Variants in HERPUD2 observed in about 807,000 individuals in gnomAD.
HERPUD2 encodes the protein HERPUD family member 2.
A neutral mutation model predicts 49.9 loss-of-function variants in HERPUD2; 13 were observed. The ratio of observed to expected loss-of-function variants is 0.26; its 90% CI spans 0.17 to 0.41. HERPUD2 has a LOEUF of 0.41. HERPUD2 is among the 10% of genes least tolerant of loss of function. The pLI is 1.00. For missense variants in HERPUD2, 449 were observed against 492.2 expected (o/e 0.91, Z 0.83); for synonymous variants, 172 against 171.4 (o/e 1.00, Z -0.03).
intron 2 of HERPUD2, among the ~76,000 whole-genome samples, 195 bp from the exon 3 acceptor site, chr7:35,673,473 G>C (rs1271816526): frequency 1.3e-5 from 2 of 152,108 alleles, no homozygotes; most frequent in East Asian, 1.9e-4. Flanking sequence ...GCAAATGGTA[G>C]TGTATCTATT....
At chr7:35,657,115 G>A (rs1364306552) in intron 5 of HERPUD2, among the ~76,000 whole-genome samples, 1 of 151,880 alleles carries the variant, frequency 6.6e-6, no homozygotes, top group Non-Finnish European at 1.5e-5. Context: ...CAGCTGACAA[G>A]GAACTAATAT....
At chr7:35,673,844 C>T (rs755489676) in intron 2 of HERPUD2, among the ~76,000 whole-genome samples, 2 of 152,012 alleles carry the variant, frequency 1.3e-5, no homozygotes, top group Non-Finnish European at 2.9e-5. Context: ...TTATTCCTGC[C>T]ACTATCACAA....
chr7:35,691,965 C>G (rs980807153), intron 2 of HERPUD2, among the ~76,000 whole-genome samples: 1 of 152,172 alleles, frequency 6.6e-6, no homozygotes, highest in Admixed American at 6.5e-5. Flanking sequence ...CACATACCCC[C>G]ACCGCTCCAG....
chr7:35,650,873 A>T (rs1417665189), intron 5 of HERPUD2, among the ~76,000 whole-genome samples: 6 of 152,182 alleles, frequency 3.9e-5, no homozygotes, highest in Non-Finnish European at 5.9e-5. Flanking sequence ...CAGAACCAGC[A>T]GCTGCACAAA....
chr7:35,658,605 T>A (rs1369155709), intron 5 of HERPUD2, among the ~76,000 whole-genome samples: 2 of 152,138 alleles, frequency 1.3e-5, no homozygotes, highest in Non-Finnish European at 2.9e-5. Flanking sequence ...ATTTTAAAAA[T>A]AAATTATAAC....
intron 6 of HERPUD2, among the ~76,000 whole-genome samples, chr7:35,638,107 C>G (rs188271933): frequency 2.2e-4 from 33 of 152,266 alleles, no homozygotes; most frequent in African/African-American, 7.9e-4. Context: ...TAAGTTTTCT[C>G]CTCTTAAATT....
chr7:35,648,545 T>G (rs1430973804), intron 5 of HERPUD2, among the ~76,000 whole-genome samples: 1 of 152,232 alleles, frequency 6.6e-6, no homozygotes, highest in Non-Finnish European at 1.5e-5. Flanking sequence ...CAGCACCTGA[T>G]GTAATTTTGC....
In HERPUD2 at chr7:35,675,274, G is replaced by A. The variant is rs532162202; in HGVS notation, c.148-1996C>T. On this transcript the variant is annotated intron_variant, in intron 2 of 8. Transcript: ENST00000311350. ...ACATTACAGAAGCATTCTGTATTGC[G>A]TGTTGTGAGAGCATAGTAGGAGAAA... 9.2e-5 allele frequency among the ~76,000 whole-genome samples: 14 copies of A among 152,322 alleles called. No individual in the cohort carries two copies. In the South Asian group the frequency reaches 1.2e-3, roughly 14 times the overall value.
intron 5 of HERPUD2, among the ~76,000 whole-genome samples, chr7:35,649,390 T>C (rs772786178): frequency 6.6e-6 from 1 of 152,148 alleles, no homozygotes; most frequent in Non-Finnish European, 1.5e-5. Context: ...TTTAGAAGGA[T>C]AGTTACTAAA....
intron 2 of HERPUD2, among the ~76,000 whole-genome samples, chr7:35,683,202 T>C (rs1003761894): frequency 4.9e-4 from 75 of 152,152 alleles, no homozygotes; most frequent in African/African-American, 1.7e-3. Context: ...CAAAACAACA[T>C]GGTACTGATA....
intron 5 of HERPUD2, among the ~76,000 whole-genome samples, chr7:35,651,503 G>A (rs1248548540): frequency 6.6e-6 from 1 of 151,756 alleles, no homozygotes; most frequent in Non-Finnish European, 1.5e-5. Context: ...TTCATACAGA[G>A]ACTACACTAT....
rs370731357 is a variant in HERPUD2, at chr7:35,662,923, G to A, written c.494+4511C>T. Reference sequence around the variant, plus strand: ...TTGCCTTCTGCCAGCTTTTGAATGTGTTTGGTCTTCCTTCTCTAGTTCTTT... The same window carrying A: ...TTGCCTTCTGCCAGCTTTTGAATGTATTTGGTCTTCCTTCTCTAGTTCTTT... On this transcript the variant is annotated intron_variant, in intron 5 of 8. Coordinates refer to ENST00000311350, the MANE Select transcript of HERPUD2 (RefSeq NM_022373.5). Among the ~76,000 whole-genome samples the A allele has an allele frequency of 1.9e-4, 29 of 152,276 alleles. No homozygotes were observed. The East Asian group carries it at 2.3e-3, about 12-fold the overall frequency.
At chr7:35,636,060 T>C (rs1784867929) in intron 6 of HERPUD2, among the ~76,000 whole-genome samples, 2 of 152,184 alleles carry the variant, frequency 1.3e-5, no homozygotes, top group South Asian at 4.1e-4. Flanking sequence ...ATTCTGAGGT[T>C]TGCTTATATA....
chr7:35,666,480 T>A (rs1399703192), intron 5 of HERPUD2, among the ~76,000 whole-genome samples: 2 of 152,246 alleles, frequency 1.3e-5, no homozygotes, highest in Non-Finnish European at 2.9e-5. Context: ...TACATTACAA[T>A]TCTGAGGTCC....
intron 6 of HERPUD2, among the ~76,000 whole-genome samples, chr7:35,637,556 A>C (rs931101119): frequency 5.9e-5 from 9 of 152,190 alleles, no homozygotes; most frequent in African/African-American, 2.2e-4. Context: ...ATCTTCCAAC[A>C]ATAAAGCAGA....
chr7:35,669,332 T>C (rs765201113), intron 4 of HERPUD2, among the ~76,000 whole-genome samples: 3 of 152,188 alleles, frequency 2.0e-5, no homozygotes, highest in Non-Finnish European at 2.9e-5. Context: ...GCTAGTTTCT[T>C]AAAGAAGCAG....
At chr7:35,655,381 A>G (rs1031140987) in intron 5 of HERPUD2, among the ~76,000 whole-genome samples, 2 of 152,216 alleles carry the variant, frequency 1.3e-5, no homozygotes, top group African/African-American at 4.8e-5. Context: ...ATCATCATCA[A>G]ATGGGATTTA....
intron 2 of HERPUD2, among the ~76,000 whole-genome samples, chr7:35,692,309 C>CT (rs67730198): frequency 2.0e-5 from 3 of 151,880 alleles, no homozygotes; most frequent in Non-Finnish European, 4.4e-5. Flanking sequence ...GTCTCAGGTA[C>CT]TTTTTTTTAA....
intron 5 of HERPUD2, among the ~76,000 whole-genome samples, chr7:35,653,371 T>TA (rs1172660851): frequency 3.3e-5 from 5 of 152,050 alleles, no homozygotes; most frequent in African/African-American, 1.2e-4. Flanking sequence ...AACAAAAAGA[T>TA]ATAACAATTC....
Sources: allele counts gnomAD v4.1 joint callset (sites outside exome capture counted in the v4.1 genomes callset), GRCh38; gene constraint gnomAD v4.1.1; transcripts MANE v1.5; gene names NCBI Gene and HGNC (gene_info 2026-07-23, HGNC 2026-07-21).